CADPS2: variants seen among roughly 807,000 people sequenced by gnomAD.
The protein encoded by CADPS2 is calcium-dependent secretion activator 2.
Under a neutral mutation model 172.5 loss-of-function variants are expected in CADPS2, and 93 were observed. That is an observed-to-expected ratio of 0.54 (90% CI 0.46 to 0.64). CADPS2 has a LOEUF of 0.64. CADPS2 is among the 30% of genes least tolerant of loss of function. CADPS2 has a pLI of 0.00. For synonymous variants in CADPS2, 546 were observed against 555.2 expected (o/e 0.98, Z 0.23); for missense variants, 1,420 against 1,565.9 (o/e 0.91, Z 1.57).
chr7:122,884,149 C>G (rs1823670627), intron 1 of CADPS2, among the ~76,000 whole-genome samples: 1 of 152,104 alleles, frequency 6.6e-6, no homozygotes, highest in African/African-American at 2.4e-5. Flanking sequence ...CTTAATTTTA[C>G]CAAACATTAT....
intron 8 of CADPS2, among the ~76,000 whole-genome samples, chr7:122,532,073 T>C (rs1269007729): frequency 2.6e-5 from 4 of 151,988 alleles, no homozygotes. Context: ...AAAATACTGT[T>C]AGCCTGTTAG....
intron 20 of CADPS2, among the ~76,000 whole-genome samples, chr7:122,395,008 T>A (rs768139523): frequency 5.3e-5 from 8 of 152,226 alleles, no homozygotes; most frequent in Non-Finnish European, 1.2e-4. Flanking sequence ...AATAGCTATA[T>A]ATGCTTATAG....
chr7:122,397,765 C>A (rs935172851), intron 20 of CADPS2, among the ~76,000 whole-genome samples: 1 of 152,032 alleles, frequency 6.6e-6, no homozygotes, highest in Non-Finnish European at 1.5e-5. Flanking sequence ...CCAAATCAAG[C>A]CTTTACAAAG....
intron 1 of CADPS2, among the ~76,000 whole-genome samples, chr7:122,789,360 T>C (rs1173068623): frequency 6.6e-6 from 1 of 152,178 alleles, no homozygotes; most frequent in African/African-American, 2.4e-5. Flanking sequence ...TTTAACTGGT[T>C]CGTTTACCAC....
intron 1 of CADPS2, among the ~76,000 whole-genome samples, chr7:122,741,713 C>T (rs1388538350): frequency 6.6e-6 from 1 of 152,154 alleles, no homozygotes; most frequent in Non-Finnish European, 1.5e-5. Flanking sequence ...TTAATACACA[C>T]ACATATACAT....
Position 122,886,097 on chromosome 7 carries a change from G to A in CADPS2, c.241C>T (p.Arg81Trp). The A allele has an allele frequency of 2.5e-6, 4 of 1,578,994 alleles. No homozygotes were observed. Among genetic ancestry groups the A allele is most frequent in the East Asian group, 4.7e-5 (2 of 42,986 alleles). Reference protein sequence around the residue: ...PQRQLDDEQERRIRLQLYVFV... With the variant: ...PQRQLDDEQEWRIRLQLYVFV... The stretch of plus-strand genomic sequence containing the variant: ...ACGTAGAGCTGCAGGCGGATCCTCC[G>A]CTCCTGCTCATCGTCCAGCTGCCGC... The change falls in exon 1 of 30, where the codon CGG becomes TGG. Residue 81 changes from arginine to tryptophan, a missense_variant. Transcript: ENST00000449022.
At chr7:122,579,753 A>G (rs1298675242) in intron 7 of CADPS2, among the ~76,000 whole-genome samples, 2 of 152,002 alleles carry the variant, frequency 1.3e-5, no homozygotes, top group Non-Finnish European at 2.9e-5. Flanking sequence ...ACCTTTGTTC[A>G]ATGAAAACAA....
At chr7:122,690,990 G>A (rs565270257) in intron 2 of CADPS2, among the ~76,000 whole-genome samples, 20 of 152,272 alleles carry the variant, frequency 1.3e-4, no homozygotes, top group Non-Finnish European at 2.1e-4. Context: ...GTGTACCTCC[G>A]GCCCCATGGC....
At chr7:122,525,529 G>A (rs540586442) in intron 8 of CADPS2, among the ~76,000 whole-genome samples, 16 of 152,176 alleles carry the variant, frequency 1.1e-4, no homozygotes, top group Non-Finnish European at 1.8e-4. Context: ...TACGCTTGCT[G>A]TTAATCCAGC....
At chr7:122,356,056 T>C (rs1028342452) in intron 27 of CADPS2, among the ~76,000 whole-genome samples, 7 of 152,206 alleles carry the variant, frequency 4.6e-5, no homozygotes, top group Non-Finnish European at 1.0e-4. Context: ...CTACAATTAA[T>C]GAACATATAT....
intron 25 of CADPS2, among the ~76,000 whole-genome samples, chr7:122,377,204 C>A (rs1359651246): frequency 1.3e-5 from 2 of 152,048 alleles, no homozygotes; most frequent in African/African-American, 4.8e-5. Flanking sequence ...TTCAAGTACT[C>A]CACAACCACA....
intron 7 of CADPS2, among the ~76,000 whole-genome samples, chr7:122,558,038 C>G (rs2065251726): frequency 6.6e-6 from 1 of 152,198 alleles, no homozygotes; most frequent in Non-Finnish European, 1.5e-5. Flanking sequence ...AAGAAAGTCA[C>G]ACTTCTATCA....
intron 2 of CADPS2, among the ~76,000 whole-genome samples, chr7:122,705,399 G>C (rs572004594): frequency 1.4e-5 from 2 of 142,412 alleles, no homozygotes; most frequent in Non-Finnish European, 3.0e-5. Flanking sequence ...AGGTTACAGA[G>C]AATTGAAATA....
intron 1 of CADPS2, among the ~76,000 whole-genome samples, chr7:122,858,485 T>C (rs1815964743): frequency 6.6e-6 from 1 of 152,160 alleles, no homozygotes; most frequent in African/African-American, 2.4e-5. Flanking sequence ...TTATAAACTG[T>C]ATGACCTTAC....
At chr7:122,439,981 G>A (rs1303367543) in intron 16 of CADPS2, among the ~76,000 whole-genome samples, 1 of 152,074 alleles carries the variant, frequency 6.6e-6, no homozygotes, top group African/African-American at 2.4e-5. Flanking sequence ...ACAGGTAAAG[G>A]GCTGGCAAAT....
intron 5 of CADPS2, among the ~76,000 whole-genome samples, chr7:122,619,605 C>T (rs2075351397): frequency 6.6e-6 from 1 of 152,012 alleles, no homozygotes; most frequent in African/African-American, 2.4e-5. Flanking sequence ...CCAGTTTGGG[C>T]AACAGAGAGA....
chr7:122,684,285 T>C (rs2083391007), intron 2 of CADPS2, among the ~76,000 whole-genome samples: 1 of 152,166 alleles, frequency 6.6e-6, no homozygotes, highest in African/African-American at 2.4e-5. Flanking sequence ...AAGTGAGGAC[T>C]GTGAGGACTT....
chr7:122,725,483 T>C (rs1368367330), intron 2 of CADPS2, among the ~76,000 whole-genome samples: 2 of 151,808 alleles, frequency 1.3e-5, no homozygotes, highest in African/African-American at 4.8e-5. Context: ...TCTGGGCTTT[T>C]AGTGTACCCA....
chr7:122,326,023 T>C (rs2033772655), intron 28 of CADPS2, among the ~76,000 whole-genome samples: 2 of 151,454 alleles, frequency 1.3e-5, no homozygotes, highest in Non-Finnish European at 2.9e-5. Flanking sequence ...AGATGTGTTA[T>C]GCTATAAGTC....
Sources: gnomAD v4.1 joint callset for allele counts (sites outside exome capture counted in the v4.1 genomes callset) on GRCh38, gnomAD v4.1.1 for gene constraint, MANE v1.5 for transcripts, NCBI Gene and HGNC (gene_info 2026-07-23, HGNC 2026-07-21) for gene names.